Variants in SAXO1 observed in about 807,000 individuals in gnomAD.
SAXO1 encodes 4930500O09Rik.
Under a neutral mutation model 17.5 loss-of-function variants are expected in SAXO1, and 21 were observed. That is an observed-to-expected ratio of 1.20 (90% confidence interval 0.85 to 1.72). SAXO1 has a LOEUF of 1.72. Ranked by LOEUF, SAXO1 falls within the 40% of genes most tolerant of loss-of-function variation. The pLI is 0.00. For synonymous variants in SAXO1, 274 were observed against 216.5 expected, an observed-to-expected ratio of 1.27 and a Z score of -2.33; for missense variants, 843 against 596.0, an observed-to-expected ratio of 1.41 and a Z score of -4.32.
chr9:18,996,997 C>G (rs1244182155), intron 1 of SAXO1, among the ~76,000 whole-genome samples: 2 of 151,960 alleles, frequency 1.3e-5, no homozygotes, highest in Non-Finnish European at 1.5e-5. Context: ...CGAATAGGAA[C>G]AGCTCTGGTC....
At chr9:18,939,750 CATATGATTTGATAAAATA>C (rs984774820) in intron 3 of SAXO1, among the ~76,000 whole-genome samples, 12 of 152,066 alleles carry the variant, frequency 7.9e-5, no homozygotes, top group Non-Finnish European at 1.0e-4. Context: ...GTAATAGGAT[CATATGATTTGATAAAATA>C]ATATGATTTG....
At chr9:19,027,863 CGCTA>C in intron 1 of SAXO1, 1 of 1,362,256 alleles carries the variant, frequency 7.3e-7, no homozygotes, top group Non-Finnish European at 1.0e-6. Flanking sequence ...CGCCCTGCTA[CGCTA>C]GGGCGGCCTG....
intron 1 of SAXO1, among the ~76,000 whole-genome samples, chr9:18,994,415 T>C (rs79868971): frequency 6.6e-6 from 1 of 152,290 alleles, no homozygotes; most frequent in African/African-American, 2.4e-5. Flanking sequence ...TTTAGGACTT[T>C]TGCTGTAAAA....
chr9:19,001,922 C>CA (rs1364681628), intron 1 of SAXO1, among the ~76,000 whole-genome samples: 1 of 151,716 alleles, frequency 6.6e-6, no homozygotes, highest in Non-Finnish European at 1.5e-5. Flanking sequence ...GATAGAGACA[C>CA]AAAAAACCCT....
At chr9:18,993,393 T>C (rs145883698) in intron 1 of SAXO1, among the ~76,000 whole-genome samples, 1 of 152,170 alleles carries the variant, frequency 6.6e-6, no homozygotes, top group Non-Finnish European at 1.5e-5. Flanking sequence ...ATGATCATGC[T>C]TGCTATGTGG....
intron 2 of SAXO1, chr9:18,947,867 T>C (rs1831861347): frequency 6.6e-6 from 1 of 152,202 alleles, no homozygotes; most frequent in South Asian, 2.1e-4. Context: ...TAATCATGCC[T>C]CACGCTGGGA....
At chr9:19,006,205 A>G (rs1834475337) in intron 1 of SAXO1, among the ~76,000 whole-genome samples, 1 of 152,242 alleles carries the variant, frequency 6.6e-6, no homozygotes, top group Non-Finnish European at 1.5e-5. Context: ...TGTGCAAAAC[A>G]GTATGATGGT....
In SAXO1 at chr9:18,928,630, T is replaced by C. The variant is rs138552928; in HGVS notation, c.847A>G (p.Met283Val). ...EFRDKYQAWPMPRMFSKAPIT... is the reference protein window; with the variant it reads ...EFRDKYQAWPVPRMFSKAPIT... ...GGAGCTTTGGAGAACATCCGGGGCATTGGCCAAGCTTGGTACTTATCTCGA... is the reference window on the plus strand; with the variant it reads ...GGAGCTTTGGAGAACATCCGGGGCACTGGCCAAGCTTGGTACTTATCTCGA... Residue 283 changes from methionine to valine, a missense_variant, in exon 4 of 4, where the codon ATG (methionine) becomes GTG (valine). Transcript: ENST00000380534. 83 of 1,614,008 alleles carry C rather than the reference T, an allele frequency of 5.1e-5. 1 individual carries two copies. The African/African-American group carries it at 9.5e-4, about 18-fold the overall frequency.
chr9:19,047,988 T>C (rs965258362), intron 1 of SAXO1, among the ~76,000 whole-genome samples: 2 of 152,160 alleles, frequency 1.3e-5, no homozygotes, highest in East Asian at 1.9e-4. Context: ...ACTGAATACA[T>C]TGAGAGGAGA....
chr9:18,967,569 C>G (rs1004991765), intron 1 of SAXO1, among the ~76,000 whole-genome samples: 2 of 152,190 alleles, frequency 1.3e-5, no homozygotes, highest in Non-Finnish European at 2.9e-5. Flanking sequence ...GTACTCAAGC[C>G]TCAGTAATAG....
chr9:18,965,243 G>A (rs1832667954), intron 1 of SAXO1, among the ~76,000 whole-genome samples: 3 of 152,216 alleles, frequency 2.0e-5, no homozygotes, highest in South Asian at 4.1e-4. Context: ...TTGATTTGGA[G>A]TGGAGAGTTC....
At chr9:18,934,033 C>A (rs186873407) in intron 3 of SAXO1, among the ~76,000 whole-genome samples, 1 of 151,770 alleles carries the variant, frequency 6.6e-6, no homozygotes, top group Non-Finnish European at 1.5e-5. Flanking sequence ...AGTGACAGAG[C>A]GAGACTCCGT....
intron 1 of SAXO1, among the ~76,000 whole-genome samples, chr9:19,016,247 C>G (rs913779466): frequency 1.3e-5 from 2 of 152,068 alleles, no homozygotes; most frequent in South Asian, 4.1e-4. Context: ...ACCGGCCTGA[C>G]GAACATGGTG....
chr9:18,976,729 A>C (rs1833168863), intron 1 of SAXO1, among the ~76,000 whole-genome samples: 1 of 152,300 alleles, frequency 6.6e-6, no homozygotes, highest in South Asian at 2.1e-4. Context: ...TTGCGTGATA[A>C]ACTTTCATTT....
At chr9:19,045,307 A>G (rs1836183323) in intron 1 of SAXO1, among the ~76,000 whole-genome samples, 1 of 107,596 alleles carries the variant, frequency 9.3e-6, no homozygotes, top group African/African-American at 3.9e-5. Flanking sequence ...ACAGAGCGAG[A>G]CTCCGTCTCA....
chr9:19,030,000 G>A (rs1046403780), intron 1 of SAXO1, among the ~76,000 whole-genome samples: 8 of 152,150 alleles, frequency 5.3e-5, no homozygotes, highest in East Asian at 1.9e-4. Flanking sequence ...TTTTCCCAGC[G>A]TACATATAAT....
intron 3 of SAXO1, among the ~76,000 whole-genome samples, chr9:18,936,341 A>G (rs1831288374): frequency 6.6e-6 from 1 of 152,122 alleles, no homozygotes; most frequent in African/African-American, 2.4e-5. Flanking sequence ...TGCTGAATAT[A>G]AACCACATGT....
rs115558872 is a variant in SAXO1 at position 19,016,050 on chromosome 9, G to A, written c.38+16821C>T. The stretch of plus-strand genomic sequence containing the variant: ...AAGATTCAGACATTCACATGCAGGG[G>A]AAGGGCACCATCATGAGAAAAGCTT... On this transcript the variant is annotated intron_variant, in intron 1 of 3. Coordinates refer to ENST00000380534, the MANE Select transcript of SAXO1 (RefSeq NM_153707.4). 4.7e-3 allele frequency among the ~76,000 whole-genome samples: 717 copies of A among 152,288 alleles called. 1 individual carries two copies. Among genetic ancestry groups the A allele is most frequent in the African/African-American group, 0.016 (665 of 41,554 alleles).
chr9:18,941,493 A>G, intron 3 of SAXO1, 144 bp downstream of exon 3: 1 of 831,424 alleles, frequency 1.2e-6, no homozygotes, highest in Non-Finnish European at 1.9e-6. Flanking sequence ...AGCTATACAA[A>G]AACAGGCTGC....
Sources: allele counts gnomAD v4.1 joint callset (sites outside exome capture counted in the v4.1 genomes callset), GRCh38; gene constraint gnomAD v4.1.1; transcripts MANE v1.5; gene names NCBI Gene and HGNC (gene_info 2026-07-23, HGNC 2026-07-21).